Variants in PCDH9 observed in about 807,000 individuals in gnomAD.
PCDH9 encodes protocadherin-9.
A neutral mutation model predicts 70.6 loss-of-function variants in PCDH9; 24 were observed. The observed-to-expected ratio is 0.34, with a 90% CI of 0.25 to 0.48. The LOEUF (loss-of-function observed/expected upper bound fraction) is 0.48, where lower values mean the gene tolerates loss of function less well. Among genes scored for constraint, PCDH9 ranks in the 20% least tolerant of loss-of-function variants. The pLI is 0.99. For missense variants in PCDH9, 1,281 were observed against 1,503.6 expected (o/e 0.85, Z 2.45); for synonymous variants, 562 against 558.5 (o/e 1.01, Z -0.09).
At chr13:66,613,345 C>T (rs7334794) in intron 4 of PCDH9, among the ~76,000 whole-genome samples, 108,470 of 152,104 alleles carry the variant, frequency 0.71, 39,724 homozygotes, top group Admixed American at 0.81. Context: ...GGTTCTTCCC[C>T]AGGCATTTTT....
chr13:66,619,106 C>T (rs1045867283), intron 4 of PCDH9, among the ~76,000 whole-genome samples: 2 of 152,024 alleles, frequency 1.3e-5, no homozygotes, highest in African/African-American at 4.8e-5. Context: ...AAGCTATGTC[C>T]TTGCTTGTTT....
chr13:66,954,612 C>A (rs539083874), intron 2 of PCDH9, among the ~76,000 whole-genome samples: 1 of 152,328 alleles, frequency 6.6e-6, no homozygotes, highest in South Asian at 2.1e-4. Flanking sequence ...TGGACAAAAT[C>A]TCTGAGATGT....
At chr13:66,786,782 A>C (rs750210952) in intron 3 of PCDH9, among the ~76,000 whole-genome samples, 1 of 152,202 alleles carries the variant, frequency 6.6e-6, no homozygotes, top group Non-Finnish European at 1.5e-5. Flanking sequence ...GACAGACATT[A>C]AACAAAAAGT....
At chr13:66,760,740 G>C (rs1158764369) in intron 3 of PCDH9, among the ~76,000 whole-genome samples, 2 of 152,102 alleles carry the variant, frequency 1.3e-5, no homozygotes, top group Non-Finnish European at 2.9e-5. Flanking sequence ...TTGCAAAAGC[G>C]AATAGGAGAA....
chr13:67,038,556 C>T (rs1214000283), intron 2 of PCDH9, among the ~76,000 whole-genome samples: 1 of 152,126 alleles, frequency 6.6e-6, no homozygotes, highest in Admixed American at 6.6e-5. Flanking sequence ...AAGAAAGATG[C>T]ACATACCCTA....
chr13:67,166,829 C>G (rs529434200), intron 2 of PCDH9, among the ~76,000 whole-genome samples: 1 of 152,098 alleles, frequency 6.6e-6, no homozygotes, highest in East Asian at 1.9e-4. Context: ...GGCTAAAAGA[C>G]CATCACTTGT....
chr13:66,966,713 G>A (rs538538367), intron 2 of PCDH9, among the ~76,000 whole-genome samples: 4 of 152,144 alleles, frequency 2.6e-5, no homozygotes, highest in Non-Finnish European at 4.4e-5. Context: ...AGTGATTTTT[G>A]TGCCTGAGCT....
chr13:66,446,265 C>G (rs1051946943), intron 4 of PCDH9, among the ~76,000 whole-genome samples: 1 of 152,012 alleles, frequency 6.6e-6, no homozygotes. Context: ...CAACATTTGC[C>G]AAGCTTTCCA....
rs2081812597 is a variant in PCDH9, at chr13:66,876,435, T to A, written c.3138+27069A>T. On this transcript the variant is annotated intron_variant, in intron 3 of 4. Coordinates refer to ENST00000377865, the MANE Select transcript of PCDH9 (RefSeq NM_203487.3). ...AAACATCATGTTTCACATTGTTAATTCAAATCCGATTTATTGACTCTAAAT... is the reference window on the plus strand; with the variant it reads ...AAACATCATGTTTCACATTGTTAATACAAATCCGATTTATTGACTCTAAAT... 3.3e-5 allele frequency among the ~76,000 whole-genome samples: 5 copies of A among 152,258 alleles called. No individual in the cohort carries two copies. In the South Asian group the frequency reaches 1.0e-3, roughly 32 times the overall value.
chr13:67,087,995 T>C (rs1314107904), intron 2 of PCDH9, among the ~76,000 whole-genome samples: 1 of 152,034 alleles, frequency 6.6e-6, no homozygotes, highest in Non-Finnish European at 1.5e-5. Context: ...TCTCTTGATA[T>C]AGCACCAAAA....
intron 3 of PCDH9, among the ~76,000 whole-genome samples, chr13:66,715,055 G>T (rs1371524305): frequency 1.3e-5 from 2 of 152,080 alleles, no homozygotes; most frequent in African/African-American, 4.8e-5. Flanking sequence ...GAGATGTTAG[G>T]ATAAAAAATT....
chr13:66,371,441 CT>C, intron 4 of PCDH9, among the ~76,000 whole-genome samples: 1 of 152,018 alleles, frequency 6.6e-6, no homozygotes, highest in Non-Finnish European at 1.5e-5. Context: ...ATAGGAAAGA[CT>C]TTGTATTTCA....
At chr13:66,404,645 A>T (rs1242536589) in intron 4 of PCDH9, among the ~76,000 whole-genome samples, 2 of 152,150 alleles carry the variant, frequency 1.3e-5, no homozygotes, top group African/African-American at 4.8e-5. Context: ...TGAATCATTC[A>T]GTTTAAATAT....
At chr13:66,465,880 T>C (rs557556969) in intron 4 of PCDH9, among the ~76,000 whole-genome samples, 1 of 151,936 alleles carries the variant, frequency 6.6e-6, no homozygotes, top group Non-Finnish European at 1.5e-5. Context: ...TTACTGAAGC[T>C]AAGGGAAATA....
chr13:67,035,126 T>C (rs1031092145), intron 2 of PCDH9, among the ~76,000 whole-genome samples: 4 of 152,110 alleles, frequency 2.6e-5, no homozygotes, highest in Admixed American at 2.0e-4. Context: ...AGTTCCAAGC[T>C]GAAGAATTTG....
intron 4 of PCDH9, among the ~76,000 whole-genome samples, chr13:66,622,975 G>A (rs916537374): frequency 6.6e-5 from 10 of 151,880 alleles, no homozygotes; most frequent in African/African-American, 2.4e-4. Context: ...ACTCCAGACG[G>A]GCCCCCTTAA....
intron 4 of PCDH9, among the ~76,000 whole-genome samples, chr13:66,441,848 C>T (rs1957980022): frequency 6.6e-6 from 1 of 152,068 alleles, no homozygotes; most frequent in South Asian, 2.1e-4. Flanking sequence ...CTTAGTACTA[C>T]ATTTCTTCAC....
intron 3 of PCDH9, among the ~76,000 whole-genome samples, chr13:66,847,119 C>A (rs2081225531): frequency 6.6e-6 from 1 of 152,090 alleles, no homozygotes; most frequent in East Asian, 1.9e-4. Context: ...AGTAACCTCT[C>A]TTTTAGAAAA....
intron 2 of PCDH9, chr13:67,208,025 C>A (rs571826051): frequency 6.6e-6 from 1 of 152,252 alleles, no homozygotes; most frequent in South Asian, 2.1e-4. Flanking sequence ...TCCAGTAACA[C>A]CATCTCTTTG....
Sources: gnomAD v4.1 joint callset for allele counts (sites outside exome capture counted in the v4.1 genomes callset) on GRCh38, gnomAD v4.1.1 for gene constraint, MANE v1.5 for transcripts, NCBI Gene and HGNC (gene_info 2026-07-23, HGNC 2026-07-21) for gene names.